PCED1B: variants seen among roughly 807,000 people sequenced by gnomAD.
The protein encoded by PCED1B is PC-esterase domain-containing protein 1B.
For missense variants in PCED1B, 573 were observed against 573.9 expected (o/e 1.00, Z 0.02); for synonymous variants, 251 against 246.1 (o/e 1.02, Z -0.19).
At chr12:47,117,796 T>G (rs1328053670) in intron 2 of PCED1B, among the ~76,000 whole-genome samples, 1 of 152,252 alleles carries the variant, frequency 6.6e-6, no homozygotes, top group African/African-American at 2.4e-5. Flanking sequence ...ATGATTGAAC[T>G]AGCTTATAGT....
chr12:47,168,023 T>A (rs1465217984), intron 2 of PCED1B, among the ~76,000 whole-genome samples: 2 of 152,072 alleles, frequency 1.3e-5, no homozygotes, highest in East Asian at 3.8e-4. Context: ...AATATTTGGG[T>A]GAGGTAGATG....
At chr12:47,192,644 A>G (rs185946727) in intron 2 of PCED1B, among the ~76,000 whole-genome samples, 2 of 152,306 alleles carry the variant, frequency 1.3e-5, no homozygotes, top group Non-Finnish European at 2.9e-5. Flanking sequence ...TCTGGTACTA[A>G]CTAGCTGTGA....
chr12:47,184,303 T>A (rs1354432149), intron 2 of PCED1B, among the ~76,000 whole-genome samples: 1 of 152,196 alleles, frequency 6.6e-6, no homozygotes, highest in Non-Finnish European at 1.5e-5. Flanking sequence ...GAGACAGTGG[T>A]GTGCTGGTAA....
chr12:47,091,852 T>C (rs1025073287), intron 1 of PCED1B, among the ~76,000 whole-genome samples: 3 of 152,142 alleles, frequency 2.0e-5, no homozygotes, highest in African/African-American at 7.2e-5. Flanking sequence ...TGCCACCATA[T>C]ATGTGCAGGT....
rs184751670 is a variant in PCED1B at position 47,163,040 on chromosome 12, A to G, written c.-525-53182A>G. Among the ~76,000 whole-genome samples the G allele has an allele frequency of 2.8e-4, 42 of 152,334 alleles. No homozygotes were observed. In the East Asian group the frequency reaches 6.9e-3, roughly 25 times the overall value. ...GGGGAAGCACTGACATCTCAACAATATTAAGTCTTTCAATCCATGAACATG... is the reference window on the plus strand; with the variant it reads ...GGGGAAGCACTGACATCTCAACAATGTTAAGTCTTTCAATCCATGAACATG... On this transcript the variant is annotated intron_variant, in intron 2 of 3. Coordinates refer to ENST00000546455, the MANE Select transcript of PCED1B (RefSeq NM_138371.3).
In PCED1B at chr12:47,138,846, T is replaced by C. The variant is rs1592190736; in HGVS notation, c.-526+34651T>C. On this transcript the variant is annotated intron_variant, in intron 2 of 3. Coordinates refer to ENST00000546455, the MANE Select transcript of PCED1B (RefSeq NM_138371.3). ...CCAGGCTGCCACTTGTTTACCATCT[T>C]GAATAAACAGATGCTTTAACTTCTG... Among the ~76,000 whole-genome samples the C allele has an allele frequency of 3.3e-5, 5 of 152,344 alleles. No homozygotes were observed. In the South Asian group the frequency reaches 1.0e-3, roughly 32 times the overall value.
intron 1 of PCED1B, among the ~76,000 whole-genome samples, chr12:47,103,528 T>C (rs1938809617): frequency 6.6e-6 from 1 of 152,218 alleles, no homozygotes; most frequent in Admixed American, 6.5e-5. Flanking sequence ...GAAGGCTGTG[T>C]TTACATGCCA....
At chr12:47,080,955 C>T (rs941924907) in intron 1 of PCED1B, among the ~76,000 whole-genome samples, 6 of 152,134 alleles carry the variant, frequency 3.9e-5, no homozygotes, top group African/African-American at 1.4e-4. Context: ...TTCATCCCTT[C>T]CGGAGATGCC....
At chr12:47,233,413 C>CA (rs574395952) in intron 3 of PCED1B, among the ~76,000 whole-genome samples, 184 of 152,368 alleles carry the variant, frequency 1.2e-3, no homozygotes, top group African/African-American at 3.9e-3. Context: ...GCTGGGATTA[C>CA]AGGCGTGAGC....
At chr12:47,229,414 CA>C (rs563683098) in intron 3 of PCED1B, among the ~76,000 whole-genome samples, 8,541 of 121,872 alleles carry the variant, frequency 0.07, 280 homozygotes, top group African/African-American at 0.12. Context: ...AACTGCTTCT[CA>C]AAAAAAAAAA....
intron 2 of PCED1B, among the ~76,000 whole-genome samples, chr12:47,129,379 C>CT (rs1356687816): frequency 2.0e-5 from 3 of 152,026 alleles, no homozygotes; most frequent in African/African-American, 7.2e-5. Flanking sequence ...GTTCCAGCTA[C>CT]TTAAGAGGCT....
intron 2 of PCED1B, among the ~76,000 whole-genome samples, chr12:47,198,592 CA>C (rs372300576): frequency 2.5e-4 from 36 of 144,916 alleles, no homozygotes; most frequent in African/African-American, 3.8e-4. Context: ...AACAAACAAA[CA>C]AAAAAAAAAG....
chr12:47,144,103 C>T (rs1331665785), intron 2 of PCED1B, among the ~76,000 whole-genome samples: 1 of 152,106 alleles, frequency 6.6e-6, no homozygotes, highest in East Asian at 1.9e-4. Context: ...TTTCTCACGC[C>T]TAAAGAACTA....
intron 2 of PCED1B, among the ~76,000 whole-genome samples, chr12:47,110,360 T>A (rs1308567816): frequency 2.8e-5 from 4 of 140,420 alleles, no homozygotes; most frequent in Non-Finnish European, 6.1e-5. Flanking sequence ...AGGGTTCCAC[T>A]TCAATAAATA....
At chr12:47,146,188 C>T (rs921266565) in intron 2 of PCED1B, among the ~76,000 whole-genome samples, 2 of 152,088 alleles carry the variant, frequency 1.3e-5, no homozygotes, top group African/African-American at 4.8e-5. Context: ...GAAATAGAAG[C>T]GGAGACTGAA....
At chr12:47,233,830 T>TA (rs1943886228) in intron 3 of PCED1B, among the ~76,000 whole-genome samples, 1 of 152,204 alleles carries the variant, frequency 6.6e-6, no homozygotes, top group Admixed American at 6.5e-5. Flanking sequence ...TGGGGTGGCA[T>TA]ATTCCGGTTC....
At chr12:47,158,063 G>T (rs1941251908) in intron 2 of PCED1B, among the ~76,000 whole-genome samples, 2 of 152,258 alleles carry the variant, frequency 1.3e-5, no homozygotes, top group Middle Eastern at 6.8e-3. Context: ...ATTTGTTGAT[G>T]AATAATAGGG....
chr12:47,205,154 G>A (rs1225704393), intron 2 of PCED1B, among the ~76,000 whole-genome samples: 1 of 152,096 alleles, frequency 6.6e-6, no homozygotes, highest in Non-Finnish European at 1.5e-5. Flanking sequence ...TGGAAAGTGG[G>A]GCGTGCTGAT....
At chr12:47,118,007 G>C (rs1377596294) in intron 2 of PCED1B, among the ~76,000 whole-genome samples, 1 of 152,096 alleles carries the variant, frequency 6.6e-6, no homozygotes, top group African/African-American at 2.4e-5. Context: ...CTTTTGAGAA[G>C]TGTCTGTTCA....
Sources: allele counts gnomAD v4.1 joint callset (sites outside exome capture counted in the v4.1 genomes callset), GRCh38; gene constraint gnomAD v4.1.1; transcripts MANE v1.5; gene names NCBI Gene and HGNC (gene_info 2026-07-23, HGNC 2026-07-21).